XKR6: variants seen among roughly 807,000 people sequenced by gnomAD.
XKR6 encodes XK-related protein 6.
A neutral mutation model predicts 56.7 loss-of-function variants in XKR6; 22 were observed. That is an observed-to-expected ratio of 0.39 (90% CI 0.28 to 0.55). The LOEUF is 0.55. XKR6 is among the 20% of genes least tolerant of loss of function. The pLI is 0.66. For synonymous variants in XKR6, 524 were observed against 387.8 expected (o/e 1.35, Z -4.13); for missense variants, 852 against 889.0 (o/e 0.96, Z 0.53).
At chr8:11,049,288 G>A (rs138444044) in intron 1 of XKR6, among the ~76,000 whole-genome samples, 1,904 of 152,326 alleles carry the variant, frequency 0.012, 34 homozygotes, top group African/African-American at 0.044. Context: ...TTCTTGTTTG[G>A]AGAGTAGCCA....
intron 1 of XKR6, among the ~76,000 whole-genome samples, chr8:11,003,490 C>T (rs965436377): frequency 1.3e-5 from 2 of 152,234 alleles, no homozygotes; most frequent in African/African-American, 4.8e-5. Context: ...TCACCATCTT[C>T]ACCAGTGTCA....
chr8:10,977,971 A>T (rs916441946), intron 1 of XKR6, among the ~76,000 whole-genome samples: 2 of 152,176 alleles, frequency 1.3e-5, no homozygotes, highest in African/African-American at 2.4e-5. Flanking sequence ...ACTGTCACCC[A>T]CATGTCTCCA....
intron 1 of XKR6, among the ~76,000 whole-genome samples, chr8:11,133,012 A>G (rs1322447240): frequency 6.6e-6 from 1 of 152,138 alleles, no homozygotes; most frequent in East Asian, 1.9e-4. Context: ...TGTAAGAAAA[A>G]TGGCAAAAAG....
intron 1 of XKR6, among the ~76,000 whole-genome samples, chr8:11,019,066 C>T (rs920559366): frequency 6.6e-6 from 1 of 152,196 alleles, no homozygotes; most frequent in Non-Finnish European, 1.5e-5. Flanking sequence ...TTCCTGGTGG[C>T]ACTTTTGGAG....
At chr8:11,119,699 T>G (rs1019971417) in intron 1 of XKR6, among the ~76,000 whole-genome samples, 1 of 152,168 alleles carries the variant, frequency 6.6e-6, no homozygotes, top group African/African-American at 2.4e-5. Flanking sequence ...CCTATGTGTG[T>G]CTCTGCACGT....
At chr8:10,922,841 G>A (rs1800761486) in intron 2 of XKR6, among the ~76,000 whole-genome samples, 2 of 152,210 alleles carry the variant, frequency 1.3e-5, no homozygotes, top group African/African-American at 4.8e-5. Flanking sequence ...GATCAGATGA[G>A]TGGTCAGCCC....
chr8:10,914,287 C>G (rs900532468), intron 2 of XKR6, among the ~76,000 whole-genome samples: 1 of 152,120 alleles, frequency 6.6e-6, no homozygotes, highest in Non-Finnish European at 1.5e-5. Context: ...TTCGGAGCCT[C>G]TTCCTGAGTA....
chr8:11,101,180 A>G (rs988247804), intron 1 of XKR6, among the ~76,000 whole-genome samples: 1 of 152,230 alleles, frequency 6.6e-6, no homozygotes, highest in Admixed American at 6.5e-5. Flanking sequence ...AATTTATAGC[A>G]AGAGATATTT....
At chr8:10,913,285 G>A (rs1019039368) in intron 2 of XKR6, among the ~76,000 whole-genome samples, 11 of 151,872 alleles carry the variant, frequency 7.2e-5, no homozygotes, top group Admixed American at 2.6e-4. Flanking sequence ...TGCCTTTTTC[G>A]CCTCTGTACC....
At chr8:11,050,011 T>C (rs958531959) in intron 1 of XKR6, among the ~76,000 whole-genome samples, 1 of 152,150 alleles carries the variant, frequency 6.6e-6, no homozygotes, top group African/African-American at 2.4e-5. Context: ...ACCACAGAGA[T>C]CTCGCATTTC....
intron 1 of XKR6, among the ~76,000 whole-genome samples, chr8:11,140,216 G>A (rs946746686): frequency 1.3e-5 from 2 of 151,942 alleles, no homozygotes; most frequent in Non-Finnish European, 2.9e-5. Context: ...GATAACAGGA[G>A]TCTCTGACTA....
intron 1 of XKR6, among the ~76,000 whole-genome samples, chr8:11,142,939 C>G (rs373605344): frequency 1.3e-5 from 2 of 152,092 alleles, no homozygotes; most frequent in Non-Finnish European, 2.9e-5. Context: ...GAACTGGTCA[C>G]GTTCTAAGGA....
At chr8:11,014,093 C>T (rs1342860951) in intron 1 of XKR6, among the ~76,000 whole-genome samples, 1 of 152,194 alleles carries the variant, frequency 6.6e-6, no homozygotes, top group African/African-American at 2.4e-5. Context: ...TCCCCAAATG[C>T]CCATTTAGAC....
intron 1 of XKR6, among the ~76,000 whole-genome samples, chr8:11,186,843 G>T (rs570780466): frequency 2.6e-5 from 4 of 152,284 alleles, no homozygotes; most frequent in Admixed American, 2.6e-4. Context: ...TGACATTGTT[G>T]TTATTAGAGC....
At chr8:11,191,918 T>C (rs1803600898) in intron 1 of XKR6, among the ~76,000 whole-genome samples, 1 of 152,154 alleles carries the variant, frequency 6.6e-6, no homozygotes, top group Non-Finnish European at 1.5e-5. Context: ...AATAATAATA[T>C]TGTAGCTTTG....
At chr8:11,023,337 GTGGCTGGA>G (rs1798788902) in intron 1 of XKR6, among the ~76,000 whole-genome samples, 1 of 152,206 alleles carries the variant, frequency 6.6e-6, no homozygotes, top group African/African-American at 2.4e-5. Context: ...TCTGAGGCTG[GTGGCTGGA>G]GTGCAGTGGC....
intron 1 of XKR6, among the ~76,000 whole-genome samples, chr8:11,191,003 G>T (rs973576627): frequency 2.6e-4 from 39 of 152,084 alleles, no homozygotes; most frequent in African/African-American, 8.0e-4. Context: ...CACTAGCAGG[G>T]CTCACCTCAA....
At position 11,157,351 on chromosome 8, in the gene XKR6, T is replaced by C. The variant is rs372894806; in HGVS notation, c.764+43225A>G. 5.9e-5 allele frequency among the ~76,000 whole-genome samples: 9 copies of C among 152,194 alleles called. No homozygotes were observed. The East Asian group carries it at 9.6e-4, about 16-fold the overall frequency. ...TACTAACATACCAATGATGGTTTCC[T>C]AGTTTGGACAAATGTACCATGGTCA... On this transcript the variant is annotated intron_variant, in intron 1 of 2. Coordinates refer to ENST00000416569, the MANE Select transcript of XKR6 (RefSeq NM_173683.4).
intron 1 of XKR6, chr8:11,109,302 A>G (rs1798799931): frequency 1.3e-5 from 2 of 152,224 alleles, no homozygotes; most frequent in South Asian, 4.1e-4. Flanking sequence ...ATTATTTTCT[A>G]AAGTTATCCA....
Sources: allele counts gnomAD v4.1 joint callset (sites outside exome capture counted in the v4.1 genomes callset), GRCh38; gene constraint gnomAD v4.1.1; transcripts MANE v1.5; gene names NCBI Gene and HGNC (gene_info 2026-07-23, HGNC 2026-07-21).